Variants in RANBP2 observed in about 807,000 individuals in gnomAD.
RANBP2 encodes the protein RAN binding protein 2.
A neutral mutation model predicts 303.6 loss-of-function variants in RANBP2; 57 were observed. The ratio of observed to expected loss-of-function variants is 0.19; its 90% CI spans 0.15 to 0.23. The LOEUF is 0.23. Among genes scored for constraint, RANBP2 ranks in the 10% least tolerant of loss-of-function variants. The pLI is 1.00. For synonymous variants in RANBP2, 1,167 were observed against 1,301.5 expected (o/e 0.90, Z 2.23); for missense variants, 3,138 against 3,780.8 (o/e 0.83, Z 4.46).
the RANBP2 span, among the ~76,000 whole-genome samples, chr2:109,109,274 T>A: frequency 1.3e-5 from 2 of 152,256 alleles, no homozygotes; most frequent in South Asian, 4.1e-4. Flanking sequence ...CAATGAAAAG[T>A]GGGGAGAACT....
chr2:109,734,913 G>T, the RANBP2 span, among the ~76,000 whole-genome samples: 2 of 152,098 alleles, frequency 1.3e-5, no homozygotes, highest in Admixed American at 6.5e-5. Flanking sequence ...ATGGGGTACA[G>T]TGTGATATTT....
At chr2:109,066,603 G>A in the RANBP2 span, among the ~76,000 whole-genome samples, 2 of 152,166 alleles carry the variant, frequency 1.3e-5, no homozygotes, top group Non-Finnish European at 2.9e-5. Flanking sequence ...GGTCAATTCC[G>A]ATTCCATTTG....
At chr2:109,368,599 A>G in the RANBP2 span, among the ~76,000 whole-genome samples, 1 of 151,732 alleles carries the variant, frequency 6.6e-6, no homozygotes, top group African/African-American at 2.4e-5. Context: ...GTAGAAAATT[A>G]TATACCTTTC....
chr2:109,683,616 C>T, the RANBP2 span, among the ~76,000 whole-genome samples: 2 of 152,048 alleles, frequency 1.3e-5, no homozygotes, highest in Non-Finnish European at 1.5e-5. Context: ...GACCATGCGC[C>T]TGGCCGGCCG....
chr2:109,672,664 G>A, the RANBP2 span, among the ~76,000 whole-genome samples: 1 of 152,112 alleles, frequency 6.6e-6, no homozygotes, highest in African/African-American at 2.4e-5. Flanking sequence ...AAAGAAACAA[G>A]TAATCTATAT....
At chr2:109,412,182 C>T in the RANBP2 span, among the ~76,000 whole-genome samples, 115 of 152,394 alleles carry the variant, frequency 7.5e-4, 1 homozygote, top group African/African-American at 2.7e-3. Flanking sequence ...GTGCTCCGCA[C>T]AGTGTGCACT....
chr2:109,287,879 C>A, the RANBP2 span, among the ~76,000 whole-genome samples: 2 of 152,236 alleles, frequency 1.3e-5, no homozygotes, highest in African/African-American at 4.8e-5. Flanking sequence ...TTTTCTTTTG[C>A]TAACTCCCCT....
chr2:109,034,239 T>C, the RANBP2 span, among the ~76,000 whole-genome samples: 1 of 111,936 alleles, frequency 8.9e-6, no homozygotes, highest in South Asian at 3.2e-4. Context: ...GCCACTGCAC[T>C]CCAGCCTGGA....
chr2:109,287,547 C>G, the RANBP2 span, among the ~76,000 whole-genome samples: 1 of 152,230 alleles, frequency 6.6e-6, no homozygotes, highest in African/African-American at 2.4e-5. Flanking sequence ...CAGAGCCACC[C>G]TCCCCCTTGA....
At chr2:109,139,023 C>T in the RANBP2 span, among the ~76,000 whole-genome samples, 5 of 152,114 alleles carry the variant, frequency 3.3e-5, no homozygotes, top group African/African-American at 9.7e-5. Flanking sequence ...TGGCAGGGGA[C>T]GTGGAGTCAT....
At chr2:109,580,204 A>G in the RANBP2 span, among the ~76,000 whole-genome samples, 1 of 152,090 alleles carries the variant, frequency 6.6e-6, no homozygotes, top group South Asian at 2.1e-4. Context: ...AAAGAAAAAT[A>G]TAGCATAATA....
the RANBP2 span, among the ~76,000 whole-genome samples, chr2:109,265,008 C>T: frequency 6.6e-6 from 1 of 152,232 alleles, no homozygotes; most frequent in East Asian, 1.9e-4. Flanking sequence ...GTCTTAGAGG[C>T]ATCATCAGCC....
In RANBP2 at chr2:108,732,537, C is replaced by G. The variant is rs371092372; in HGVS notation, c.405+1063C>G. On this transcript the variant is annotated intron_variant, in intron 4 of 28. Transcript: ENST00000283195. ...ATAAGGGATACTCAACCTGTTTAAC[C>G]CGACCAAAGCACACTATCAAAATCA... 1.2e-4 allele frequency among the ~76,000 whole-genome samples: 19 copies of G among 152,246 alleles called. No homozygotes were observed. The East Asian group carries it at 3.1e-3, about 25-fold the overall frequency.
the RANBP2 span, among the ~76,000 whole-genome samples, chr2:109,189,233 G>T: frequency 1.3e-5 from 2 of 151,954 alleles, no homozygotes; most frequent in African/African-American, 4.8e-5. Flanking sequence ...GTGTTCAGAA[G>T]GAGGTGGCGT....
the RANBP2 span, among the ~76,000 whole-genome samples, chr2:108,966,683 G>T: frequency 6.6e-6 from 1 of 152,238 alleles, no homozygotes; most frequent in Non-Finnish European, 1.5e-5. Context: ...GAGAAAATGA[G>T]CTTCAGCTGT....
rs763518484 is a variant in RANBP2, at chr2:108,765,333, A to G, written c.4794A>G (p.Gly1598=). Residue 1598 remains glycine (G), a synonymous_variant, in exon 20 of 29, where the codon GGA becomes GGG. Transcript: ENST00000283195. The part of the protein sequence containing the change: ...TSETSKAPKS[G]FEGMFTKKEG... Reference sequence around the variant, plus strand: ...AGACAAGCAAGGCTCCAAAGAGCGGATTTGAGGGAATGTTCACTAAGAAGG... The same window carrying G: ...AGACAAGCAAGGCTCCAAAGAGCGGGTTTGAGGGAATGTTCACTAAGAAGG... 15 of 1,613,728 alleles carry G rather than the reference A, an allele frequency of 9.3e-6. No homozygotes were observed. The highest frequency in any genetic ancestry group is 5.1e-6 in the Non-Finnish European group (6 of 1,179,854).
chr2:109,644,086 A>G, the RANBP2 span, among the ~76,000 whole-genome samples: 10 of 151,496 alleles, frequency 6.6e-5, no homozygotes, highest in Non-Finnish European at 2.9e-5. Context: ...GCACCACTGC[A>G]CTCCAGCCTG....
the RANBP2 span, among the ~76,000 whole-genome samples, chr2:109,203,999 C>CT: frequency 1.3e-5 from 2 of 152,298 alleles, no homozygotes; most frequent in Admixed American, 1.3e-4. Context: ...TGAAGGGGCT[C>CT]TGAGTGTGAA....
chr2:109,385,349 C>T, the RANBP2 span, among the ~76,000 whole-genome samples: 1 of 152,192 alleles, frequency 6.6e-6, no homozygotes, highest in Non-Finnish European at 1.5e-5. Flanking sequence ...CCTGCACAAC[C>T]CCAGTGTCCC....
Sources: gnomAD v4.1 joint callset for allele counts (sites outside exome capture counted in the v4.1 genomes callset) on GRCh38, gnomAD v4.1.1 for gene constraint, MANE v1.5 for transcripts, NCBI Gene and HGNC (gene_info 2026-07-23, HGNC 2026-07-21) for gene names.